Variants in CAD observed in about 807,000 individuals in gnomAD.
CAD encodes the protein multifunctional protein CAD.
A neutral mutation model predicts 237.2 loss-of-function variants in CAD; 81 were observed. The observed-to-expected ratio is 0.34, with a 90% confidence interval of 0.29 to 0.41. The LOEUF (loss-of-function observed/expected upper bound fraction) is 0.41, where lower values mean the gene tolerates loss of function less well. CAD is among the 10% of genes least tolerant of loss of function. The probability of loss-of-function intolerance (pLI) is 1.00; values close to 1 mark genes in which losing one functional copy is unlikely to be tolerated. For missense variants in CAD, 2,181 were observed against 2,951.7 expected, an observed-to-expected ratio of 0.74 and a Z score of 6.05; for synonymous variants, 1,196 against 1,162.8, an observed-to-expected ratio of 1.03 and a Z score of -0.58.
At position 27,240,190 on chromosome 2, in the gene CAD, G is replaced by T; in HGVS notation, c.5497-75G>T. ...CAGAAGGTCACGCCACTGCACTCCAGCCTGAGCGACAGAACGAGACTCCGT... is the reference window on the plus strand; with the variant it reads ...CAGAAGGTCACGCCACTGCACTCCATCCTGAGCGACAGAACGAGACTCCGT... On this transcript the variant is annotated intron_variant, in intron 34 of 43. Coordinates refer to ENST00000264705, the MANE Select transcript of CAD (RefSeq NM_004341.5). This position sits in a 1 kb window ranked among gnomAD's most constrained non-coding sequence, Gnocchi z 4.6. 8.1e-7 allele frequency: 1 copy of T among 1,233,194 alleles called. No individual in the cohort carries two copies. Among genetic ancestry groups the T allele is most frequent in the Non-Finnish European group, 1.2e-6 (1 of 865,314 alleles). The allele number at this position is 1,233,194 out of a possible 1,614,324, so 76.4% of individuals were successfully genotyped here.
rs772790896 is a variant in CAD, at chr2:27,217,652, G to A, written c.82+19G>A. 2 of 1,587,892 alleles carry A rather than the reference G, an allele frequency of 1.3e-6. No individual in the cohort carries two copies. The highest frequency in any genetic ancestry group is 1.7e-6 in the Non-Finnish European group (2 of 1,166,462). ...GAAGTGGGTAAGCAAGCCCGGTTAG[G>A]CTGCAGACCTTATCCCACTCTGTGA... is the stretch of plus-strand genomic sequence containing the variant. On this transcript the variant is annotated intron_variant, in intron 1 of 43. Coordinates refer to ENST00000264705, the MANE Select transcript of CAD (RefSeq NM_004341.5).
rs766722115 is a variant in CAD, at chr2:27,242,023, C to T, written c.5996C>T (p.Ser1999Leu). ...GAVLSFSEAT[S>L]SVQKGESLAD... ...GTGCTCAGCTTCTCGGAAGCCACAT[C>T]GTCCGTCCAGAAGGGCGAATCCCTG... The change falls in exon 39 of 44, where the codon TCG becomes TTG. Residue 1999 changes from serine to leucine, a missense_variant. Ser to Leu is a moderately radical substitution (Grantham distance 145). This residue lies in a region of CAD where 203 missense variants were observed against 284.5 expected (regional missense o/e 0.71). Coordinates refer to ENST00000264705, the MANE Select transcript of CAD (RefSeq NM_004341.5). The surrounding 1 kb of genome is among the most constrained non-coding windows in gnomAD (Gnocchi z 6.4). 4 of 1,613,430 alleles carry T rather than the reference C, an allele frequency of 2.5e-6. No homozygotes were observed. The highest frequency in any genetic ancestry group is 2.5e-6 in the Non-Finnish European group (3 of 1,180,034).
Position 27,243,359 on chromosome 2 carries a change from A to C in CAD, c.6576-57A>C. On this transcript the variant is annotated intron_variant, in intron 43 of 43. Transcript: ENST00000264705. Reference sequence around the variant, plus strand: ...GACGGGAGGAGACTTAGTCCTGGACAAGCCATCCATGGGCTGCACGATAAC... The same window carrying C: ...GACGGGAGGAGACTTAGTCCTGGACCAGCCATCCATGGGCTGCACGATAAC... The C allele has an allele frequency of 3.1e-6, 5 of 1,606,228 alleles. No individual in the cohort carries two copies. In the South Asian group the frequency reaches 5.5e-5, roughly 18 times the overall value.
At position 27,226,881 on chromosome 2, in the gene CAD, T is replaced by C. The variant is rs1418690105; in HGVS notation, c.2206T>C (p.Cys736Arg). 2 of 1,614,008 alleles carry C rather than the reference T, an allele frequency of 1.2e-6. No homozygotes were observed. The highest frequency in any genetic ancestry group is 1.7e-6 in the Non-Finnish European group (2 of 1,180,014). ...TAAFEPSVDYCVVKIPRWDLS... is the reference protein window; with the variant it reads ...TAAFEPSVDYRVVKIPRWDLS... Reference sequence around the variant, plus strand: ...AGCCTTTGAACCCAGCGTGGATTATTGTGTGGTGAAGATTCCTCGATGGGA... The same window carrying C: ...AGCCTTTGAACCCAGCGTGGATTATCGTGTGGTGAAGATTCCTCGATGGGA... The change falls in exon 15 of 44, where the codon TGT (cysteine) becomes CGT (arginine). Residue 736 changes from cysteine to arginine, a missense_variant. Physicochemically the swap from Cys to Arg is radical, Grantham distance 180 (BLOSUM62 -3). This residue lies in a region of CAD where 385 missense variants were observed against 535.1 expected (regional missense o/e 0.72). Coordinates refer to ENST00000264705, the MANE Select transcript of CAD (RefSeq NM_004341.5).
chr2:27,235,820 G>C lies in CAD; in HGVS notation c.4074+180G>C, dbSNP rs1675972762. ...GTAGAGGCTGCAGTGAGCTGCGAGT[G>C]TGCAGTGAGTGCACCACTGCACTCC... On this transcript the variant is annotated intron_variant, in intron 25 of 43. Coordinates refer to ENST00000264705, the MANE Select transcript of CAD (RefSeq NM_004341.5). The surrounding 1 kb of genome is among the most constrained non-coding windows in gnomAD (Gnocchi z 5.2). 1.8e-6 allele frequency: 1 copy of C among 569,540 alleles called. No individual in the cohort carries two copies. The highest frequency in any genetic ancestry group is 1.9e-5 in the African/African-American group (1 of 52,886). The allele number at this position is 569,540 out of a possible 1,614,324, so 35.3% of individuals were successfully genotyped here.
intron 2 of CAD, among the ~76,000 whole-genome samples, chr2:27,220,940 A>C (rs1367559125): frequency 6.6e-6 from 1 of 152,192 alleles, no homozygotes; most frequent in Non-Finnish European, 1.5e-5. Context: ...CCTGGGTGAC[A>C]GAGTGAGACT....
chr2:27,223,820 G>A (rs1333205949), intron 7 of CAD, 72 bp downstream of exon 7: 34 of 1,575,030 alleles, frequency 2.2e-5, no homozygotes, highest in Middle Eastern at 1.7e-4. Flanking sequence ...GTAAAGCACG[G>A]CAGTGGATCC....
chr2:27,225,569 C>T (rs1675409235), intron 11 of CAD, 136 bp from the exon 12 acceptor site: 1 of 729,392 alleles, frequency 1.4e-6, no homozygotes, highest in South Asian at 1.7e-5. Flanking sequence ...CCCTCGGCCT[C>T]CCAAATTGCT....
rs1045470531 is a variant in CAD at position 27,217,404 on chromosome 2, C to A, written c.-148C>A. On this transcript the variant is annotated 5_prime_UTR_variant, in exon 1 of 44. Coordinates refer to ENST00000264705, the MANE Select transcript of CAD (RefSeq NM_004341.5). The stretch of plus-strand genomic sequence containing the variant: ...GCTGCCGCCAAGCGCGCCCGAGGCT[C>A]CTACGCTGCCGCGCCCGGCTTCTCT... 1.1e-5 allele frequency: 8 copies of A among 730,036 alleles called. No individual in the cohort carries two copies. Among genetic ancestry groups the A allele is most frequent in the East Asian group, 5.8e-5 (2 of 34,552 alleles). 45.2% of individuals were successfully genotyped at this position (730,036 alleles called of 1,614,324 possible). A position where few individuals can be genotyped will look rare whatever the true frequency, so the allele number is the denominator to read the frequency against.
Position 27,243,295 on chromosome 2 carries a change from GGTGCAGCATCAGA to G in CAD, c.6575+6_6575+18del, listed in dbSNP as rs1676415281. 1 of 1,613,936 alleles carries G rather than the reference GGTGCAGCATCAGA, an allele frequency of 6.2e-7. No homozygotes were observed. The highest frequency in any genetic ancestry group is 1.3e-5 in the African/African-American group (1 of 74,898). On this transcript the variant is annotated splice_donor_5th_base_variant and intron_variant, in intron 43 of 43. Coordinates refer to ENST00000264705, the MANE Select transcript of CAD (RefSeq NM_004341.5). ...ATGCCCCGTGTCAACGAGATAAGGT[GGTGCAGCATCAGA>G]GTCAGAGACTGCCTCGGGGCTGGTG...
chr2:27,239,877 G>A lies in CAD; in HGVS notation c.5496+79G>A. On this transcript the variant is annotated intron_variant, in intron 34 of 43. Coordinates refer to ENST00000264705, the MANE Select transcript of CAD (RefSeq NM_004341.5). The surrounding 1 kb of genome is among the most constrained non-coding windows in gnomAD (Gnocchi z 4.0). The stretch of plus-strand genomic sequence containing the variant: ...GAACAGCTTGAACATTTTCATTGGT[G>A]GTTCAGGAACAATTGGGGTTTTCTT... 1 of 1,050,960 alleles carries A rather than the reference G, an allele frequency of 9.5e-7. No homozygotes were observed. Among genetic ancestry groups the A allele is most frequent in the Non-Finnish European group, 1.4e-6 (1 of 728,272 alleles). 65.1% of individuals were successfully genotyped at this position (1,050,960 alleles called of 1,614,324 possible).
chr2:27,222,805 G>A (rs1367006569), intron 5 of CAD, 61 bp from the exon 6 acceptor site: 1 of 1,584,696 alleles, frequency 6.3e-7, no homozygotes, highest in Non-Finnish European at 8.6e-7. Context: ...TGGGGGGGCT[G>A]CAGGTGTGTC....
chr2:27,238,722 C>CAA, intron 31 of CAD, 90 bp downstream of exon 31: 1 of 1,233,926 alleles, frequency 8.1e-7, no homozygotes, highest in Admixed American at 2.2e-5. Flanking sequence ...GGCCTCAGGA[C>CAA]TCTACTAGGA....
At position 27,242,938 on chromosome 2, in the gene CAD, A is replaced by G; in HGVS notation, c.6445A>G (p.Lys2149Glu). The G allele has an allele frequency of 3.1e-6, 5 of 1,608,748 alleles. No homozygotes were observed. The highest frequency in any genetic ancestry group is 3.4e-6 in the Non-Finnish European group (4 of 1,175,660). ...TDVLYMTRIQ[K>E]ERFGSTQEYE... The stretch of plus-strand genomic sequence containing the variant: ...TGTGCTCTACATGACTCGAATCCAG[A>G]AGGAACGATTTGGCTCTACCCAGGA... Residue 2149 changes from lysine to glutamate, a missense_variant, in exon 42 of 44, where the codon AAG becomes GAG. Physicochemically the swap from Lys to Glu is moderately conservative, Grantham distance 56. Around this residue, in one of 12 missense-constraint regions of CAD, gnomAD observed 170 missense variants for 212.1 expected, o/e 0.80. Transcript: ENST00000264705. The surrounding 1 kb of genome is among the most constrained non-coding windows in gnomAD (Gnocchi z 6.4).
At position 27,240,656 on chromosome 2, in the gene CAD, C is replaced by T; in HGVS notation, c.5594-255C>T. The T allele has an allele frequency of 6.5e-7, 1 of 1,539,184 alleles. No individual in the cohort carries two copies. The highest frequency in any genetic ancestry group is 8.8e-7 in the Non-Finnish European group (1 of 1,139,190). On this transcript the variant is annotated intron_variant, in intron 35 of 43. Transcript: ENST00000264705. This position sits in a 1 kb window ranked among gnomAD's most constrained non-coding sequence, Gnocchi z 4.6. Reference sequence around the variant, plus strand: ...GTTGGTTGGTGTGAGTCTGGCCGTTCCTCTTGCCTAGGATGCCTTTGCCAA... The same window carrying T: ...GTTGGTTGGTGTGAGTCTGGCCGTTTCTCTTGCCTAGGATGCCTTTGCCAA...
Position 27,233,273 on chromosome 2 carries a change from C to T in CAD, c.2992-39C>T. 6.3e-7 allele frequency: 1 copy of T among 1,586,216 alleles called. No homozygotes were observed. The highest frequency in any genetic ancestry group is 8.7e-7 in the Non-Finnish European group (1 of 1,155,072). On this transcript the variant is annotated intron_variant, in intron 19 of 43. Coordinates refer to ENST00000264705, the MANE Select transcript of CAD (RefSeq NM_004341.5). This position sits in a 1 kb window ranked among gnomAD's most constrained non-coding sequence, Gnocchi z 6.3. ...GCAGGAAGGCTCAGATTCCTGCCCT[C>T]TTTTGCTGCCACCACTTGTTTCTCC...
chr2:27,228,648 A>G (rs1227222881), intron 15 of CAD, among the ~76,000 whole-genome samples: 17 of 151,396 alleles, frequency 1.1e-4, no homozygotes, highest in African/African-American at 3.6e-4. Flanking sequence ...CTGGAGTGCA[A>G]TGGTGTGATC....
chr2:27,241,124 A>G lies in CAD; in HGVS notation c.5705A>G (p.Gln1902Arg). 1 of 1,610,366 alleles carries G rather than the reference A, an allele frequency of 6.2e-7. No individual in the cohort carries two copies. The highest frequency in any genetic ancestry group is 8.5e-7 in the Non-Finnish European group (1 of 1,178,378). Reference sequence around the variant, plus strand: ...CCAGTACCGAGACAGGCATCTCCCCAGAACCTGGGGACCCCTGGCTTGCTG... The same window carrying G: ...CCAGTACCGAGACAGGCATCTCCCCGGAACCTGGGGACCCCTGGCTTGCTG... ...PPPVPRQASP[Q>R]NLGTPGLLHP... The change falls in exon 37 of 44, where the codon CAG (glutamine) becomes CGG (arginine). Residue 1902 changes from glutamine (Q) to arginine (R), a missense_variant. Coordinates refer to ENST00000264705, the MANE Select transcript of CAD (RefSeq NM_004341.5). This position sits in a 1 kb window ranked among gnomAD's most constrained non-coding sequence, Gnocchi z 4.6.
intron 31 of CAD, 40 bp downstream of exon 31, chr2:27,238,672 C>A (rs775696182): frequency 6.4e-7 from 1 of 1,550,470 alleles, no homozygotes; most frequent in Non-Finnish European, 8.8e-7. Context: ...CCCAGTGGGG[C>A]TTGTGGGACA....
Sources: allele counts gnomAD v4.1 joint callset (sites outside exome capture counted in the v4.1 genomes callset), GRCh38; gene constraint gnomAD v4.1.1; regional missense constraint gnomAD v4.1.1; non-coding constraint Gnocchi (gnomAD v3.1); transcripts MANE v1.5; gene names NCBI Gene and HGNC (gene_info 2026-07-23, HGNC 2026-07-21).